DNAH3: variants seen among roughly 807,000 people sequenced by gnomAD.
DNAH3 encodes the protein axonemal beta dynein heavy chain 3.
Under a neutral mutation model 432.5 loss-of-function variants are expected in DNAH3, and 332 were observed. The ratio of observed to expected loss-of-function variants is 0.77; its 90% CI spans 0.70 to 0.84. The LOEUF (loss-of-function observed/expected upper bound fraction) is 0.84. DNAH3 is among the 40% of genes least tolerant of loss of function. DNAH3 has a pLI of 0.00. For missense variants in DNAH3, 4,861 were observed against 5,114.0 expected (o/e 0.95, Z 1.51); for synonymous variants, 1,956 against 1,900.2 (o/e 1.03, Z -0.76).
intron 41 of DNAH3, among the ~76,000 whole-genome samples, chr16:21,016,190 G>C (rs970839757): frequency 6.6e-6 from 1 of 151,882 alleles, no homozygotes; most frequent in Non-Finnish European, 1.5e-5. Context: ...AAATGTTACC[G>C]ATCTCTTGAC....
intron 20 of DNAH3, among the ~76,000 whole-genome samples, chr16:21,076,094 G>A (rs952965000): frequency 2.0e-5 from 3 of 152,014 alleles, no homozygotes; most frequent in African/African-American, 7.3e-5. Flanking sequence ...TGTGTTATGG[G>A]TTAAATATTG....
At chr16:21,080,898 A>T (rs1250552526) in intron 20 of DNAH3, among the ~76,000 whole-genome samples, 1 of 152,146 alleles carries the variant, frequency 6.6e-6, no homozygotes, top group Non-Finnish European at 1.5e-5. Context: ...GGAAGAAAGC[A>T]AGAGAAAAGA....
chr16:21,068,400 T>C (rs964042702), intron 23 of DNAH3, among the ~76,000 whole-genome samples: 15 of 151,378 alleles, frequency 9.9e-5, no homozygotes, highest in African/African-American at 2.9e-4. Flanking sequence ...CTGCAACCTC[T>C]GCCTCCCAGG....
chr16:21,030,360 G>C (rs2088811001), intron 37 of DNAH3, among the ~76,000 whole-genome samples: 1 of 152,186 alleles, frequency 6.6e-6, no homozygotes, highest in Admixed American at 6.5e-5. Context: ...AAAAGCCCAA[G>C]CCATGTGAAG....
chr16:21,136,298 G>T, intron 6 of DNAH3, 26 bp downstream of exon 7: 1 of 1,607,934 alleles, frequency 6.2e-7, no homozygotes, highest in Non-Finnish European at 8.5e-7. Flanking sequence ...AAGCTCCCCA[G>T]CCCCCTTTAT....
exon 46 of DNAH3, chr16:20,987,794 T>G (rs765542624): frequency 3.3e-5 from 53 of 1,613,952 alleles, no homozygotes; most frequent in Non-Finnish European, 4.4e-5. Flanking sequence ...GGCAAGAAGT[T>G]CTCCACTGCA....
exon 53 of DNAH3, chr16:20,964,663 T>C (rs1049244709): frequency 6.2e-7 from 1 of 1,614,146 alleles, no homozygotes; most frequent in Admixed American, 1.7e-5. Context: ...GCGTCTGGAA[T>C]TGGATACAAT....
chr16:21,068,305 G>A (rs532755022), intron 23 of DNAH3, among the ~76,000 whole-genome samples: 1 of 127,362 alleles, frequency 7.9e-6, no homozygotes, highest in Non-Finnish European at 1.6e-5. Flanking sequence ...ATAACTATTT[G>A]TATATTACTT....
intron 20 of DNAH3, among the ~76,000 whole-genome samples, chr16:21,078,584 G>T (rs66487676): frequency 0.39 from 59,130 of 152,126 alleles, 11,762 homozygotes; most frequent in East Asian, 0.48. Flanking sequence ...CTGGCTGTGT[G>T]GCTGTGGCCA....
In DNAH3 at chr16:20,965,443, C is replaced by T; in HGVS notation, c.8459-18G>A. 1.3e-6 allele frequency: 2 copies of T among 1,502,700 alleles called. No homozygotes were observed. Among genetic ancestry groups the T allele is most frequent in the Non-Finnish European group, 1.8e-6 (2 of 1,124,318 alleles). 93.1% of individuals were successfully genotyped at this position (1,502,700 alleles called of 1,614,324 possible). A position where few individuals can be genotyped will look rare whatever the true frequency, so the allele number is the denominator to read the frequency against. On this transcript the variant is annotated intron_variant, in intron 52 of 61. Transcript: ENST00000261383. ...CATCTTACCTATTTGGAACAAGAAACAGAGATAATGTGTTAAGACATTCTG... is the reference window on the plus strand; with the variant it reads ...CATCTTACCTATTTGGAACAAGAAATAGAGATAATGTGTTAAGACATTCTG...
intron 21 of DNAH3, 74 bp from the exon 22 acceptor site, chr16:21,070,900 A>G (rs1447810506): frequency 5.1e-6 from 5 of 987,612 alleles, no homozygotes; most frequent in East Asian, 4.9e-5. Context: ...TTAAAAATTT[A>G]TTTATTTGAG....
Position 21,069,466 on chromosome 16 carries a change from C to A in DNAH3, c.3330G>T (p.Gly1110=), listed in dbSNP as rs1567735975. ...AACTATCAACAATGCCAAATTTCCT[C>A]CCCTCTTCTGGCATCTGGGCTATGA... is the stretch of plus-strand genomic sequence containing the variant. The change falls in exon 23 of 62, where the codon GGG becomes GGT. Residue 1110 remains glycine (G), a synonymous_variant. Transcript: ENST00000261383. The A allele has an allele frequency of 1.9e-6, 3 of 1,614,180 alleles. No individual in the cohort carries two copies. The East Asian group carries it at 6.7e-5, about 36-fold the overall frequency.
At position 20,992,346 on chromosome 16, in the gene DNAH3, T is replaced by C. The variant is rs73536176; in HGVS notation, c.6602-4281A>G. On this transcript the variant is annotated intron_variant, in intron 44 of 61. Coordinates refer to ENST00000261383, the Ensembl canonical transcript of DNAH3. Reference sequence around the variant, plus strand: ...TTTACAGGCTTATTTCATATATTTATTTTTATTTTTATTTTTTGAGATGGA... The same window carrying C: ...TTTACAGGCTTATTTCATATATTTACTTTTATTTTTATTTTTTGAGATGGA... Among the ~76,000 whole-genome samples the C allele has an allele frequency of 1.7e-3, 260 of 152,250 alleles. 1 individual carries two copies. Among genetic ancestry groups the C allele is most frequent in the African/African-American group, 5.6e-3 (233 of 41,558 alleles).
At chr16:21,026,993 C>T in intron 38 of DNAH3, 34 bp downstream of exon 38, 1 of 1,514,272 alleles carries the variant, frequency 6.6e-7, no homozygotes, top group South Asian at 1.1e-5. Context: ...TGGAGCCACA[C>T]TGTCCCCCGG....
chr16:20,984,029 G>GAAAAAAGAAAAAAAAAAA (rs2086051499), intron 48 of DNAH3, among the ~76,000 whole-genome samples: 3 of 112,138 alleles, frequency 2.7e-5, no homozygotes, highest in African/African-American at 1.0e-4. Flanking sequence ...CCTATATCCA[G>GAAAAAAGAAAAAAAAAAA]AAAAAAAAAA....
exon 48 of DNAH3, chr16:20,985,576 A>C: frequency 6.2e-7 from 1 of 1,614,188 alleles, no homozygotes; most frequent in Non-Finnish European, 8.5e-7. Flanking sequence ...ATAGTGCTCC[A>C]TGACCACAGT....
intron 18 of DNAH3, among the ~76,000 whole-genome samples, chr16:21,092,987 T>C (rs1012562013): frequency 5.3e-5 from 8 of 152,126 alleles, no homozygotes; most frequent in Admixed American, 2.0e-4. Flanking sequence ...GGTGGGAGGA[T>C]TGCTTGAGCC....
intron 40 of DNAH3, among the ~76,000 whole-genome samples, chr16:21,020,985 G>A (rs1022433557): frequency 9.9e-5 from 15 of 152,120 alleles, no homozygotes; most frequent in African/African-American, 2.9e-4. Context: ...GAGAAGAATC[G>A]CACAGTCATT....
chr16:21,021,948 T>G lies in DNAH3; in HGVS notation c.5776+23A>C, dbSNP rs912762043. 6.2e-6 allele frequency: 10 copies of G among 1,612,194 alleles called. No individual in the cohort carries two copies. In the African/African-American group the frequency reaches 1.3e-4, roughly 22 times the overall value. ...AGGTAGACCCACCCCCCATGTGGCTTAAGAATCATGGCTAGCACTTACCAA... is the reference window on the plus strand; with the variant it reads ...AGGTAGACCCACCCCCCATGTGGCTGAAGAATCATGGCTAGCACTTACCAA... On this transcript the variant is annotated intron_variant, in intron 40 of 61. Coordinates refer to ENST00000261383, the Ensembl canonical transcript of DNAH3.
Sources: allele counts gnomAD v4.1 joint callset (sites outside exome capture counted in the v4.1 genomes callset), GRCh38; gene constraint gnomAD v4.1.1; transcripts MANE v1.5; gene names NCBI Gene and HGNC (gene_info 2026-07-23, HGNC 2026-07-21).